Variants in USP13 observed in about 807,000 individuals in gnomAD.
The protein encoded by USP13 is ubiquitin carboxyl-terminal hydrolase 13.
Under a neutral mutation model 107.8 loss-of-function variants are expected in USP13, and 68 were observed. The ratio of observed to expected loss-of-function variants is 0.63; its 90% CI spans 0.52 to 0.77. The LOEUF is 0.77. USP13 is among the 30% of genes least tolerant of loss of function. The pLI, the probability that USP13 is intolerant of heterozygous loss-of-function variation, is 0.00. For missense variants in USP13, 945 were observed against 1,093.3 expected, an observed-to-expected ratio of 0.86 and a Z score of 1.91; for synonymous variants, 377 against 389.5, an observed-to-expected ratio of 0.97 and a Z score of 0.38.
chr3:179,774,505 G>T (rs111820831), intron 19 of USP13, among the ~76,000 whole-genome samples: 8 of 149,594 alleles, frequency 5.3e-5, no homozygotes, highest in African/African-American at 2.0e-4. Context: ...CAGCTCTTAA[G>T]GCAGCACGTC....
In USP13 at chr3:179,721,102, C is replaced by T. The variant is rs1228043412; in HGVS notation, c.901-300C>T. On this transcript the variant is annotated intron_variant, in intron 7 of 20. Transcript: ENST00000263966. The surrounding 1 kb of genome is among the most constrained non-coding windows in gnomAD (Gnocchi z 4.3). ...GGGATTACAGGTGTGAACCGCTGCG[C>T]CCGGCCTCTCTTTAAAATCTTTTTC... Among the ~76,000 whole-genome samples the T allele has an allele frequency of 6.6e-6, 1 of 152,134 alleles. No individual in the cohort carries two copies. The highest frequency in any genetic ancestry group is 1.5e-5 in the Non-Finnish European group (1 of 68,044).
chr3:179,772,279 C>A (rs1715364392), intron 19 of USP13, among the ~76,000 whole-genome samples: 1 of 152,230 alleles, frequency 6.6e-6, no homozygotes, highest in Non-Finnish European at 1.5e-5. Context: ...TGTGCAAAAT[C>A]ATTTCTGTTT....
chr3:179,686,962 C>T (rs1576925409), intron 2 of USP13, among the ~76,000 whole-genome samples: 1 of 152,190 alleles, frequency 6.6e-6, no homozygotes, highest in Non-Finnish European at 1.5e-5. Context: ...TCTTAGTTAT[C>T]GGCATTTCCT....
At chr3:179,680,539 G>A (rs747397104) in intron 1 of USP13, among the ~76,000 whole-genome samples, 5 of 151,882 alleles carry the variant, frequency 3.3e-5, no homozygotes, top group African/African-American at 7.3e-5. Context: ...TATTCAAGCT[G>A]TATTTATTAC....
chr3:179,730,848 C>A, intron 10 of USP13, 139 bp downstream of exon 10: 1 of 702,758 alleles, frequency 1.4e-6, no homozygotes, highest in Non-Finnish European at 2.4e-6. Context: ...GTCTAGGGTG[C>A]CTGTCTGTAT....
rs989674409 is a variant in USP13, at chr3:179,757,034, C to G, written c.1922-18C>G. On this transcript the variant is annotated intron_variant, in intron 15 of 20. Coordinates refer to ENST00000263966, the MANE Select transcript of USP13 (RefSeq NM_003940.3). The stretch of plus-strand genomic sequence containing the variant: ...ACATGGTTTGGTCTCATTTTCTGTC[C>G]TCTCCCTTAATTTCCAGATCGCCTG... 1.9e-6 allele frequency: 3 copies of G among 1,613,826 alleles called. No individual in the cohort carries two copies. The highest frequency in any genetic ancestry group is 2.5e-6 in the Non-Finnish European group (3 of 1,179,782).
chr3:179,756,434 AAACAAACAAAC>A (rs869155124), intron 15 of USP13, among the ~76,000 whole-genome samples: 2 of 151,700 alleles, frequency 1.3e-5, no homozygotes, highest in East Asian at 1.9e-4. Context: ...ACAAACAAAC[AAACAAACAAAC>A]AAAAAATACA....
rs371559911 is a variant in USP13 at position 179,721,620 on chromosome 3, C to T, written c.1088+31C>T. ...TGCCTTCCATGCAGACCAGGGCACG[C>T]GGCACCTCCCTGCCCCATCTAGGTC... On this transcript the variant is annotated intron_variant, in intron 8 of 20. Coordinates refer to ENST00000263966, the MANE Select transcript of USP13 (RefSeq NM_003940.3). This position sits in a 1 kb window ranked among gnomAD's most constrained non-coding sequence, Gnocchi z 4.3. 1.3e-4 allele frequency: 209 copies of T among 1,603,446 alleles called. No individual in the cohort carries two copies. The highest frequency in any genetic ancestry group is 1.4e-4 in the Non-Finnish European group (166 of 1,174,878).
chr3:179,762,877 T>C (rs936806644), intron 17 of USP13, among the ~76,000 whole-genome samples: 1 of 152,218 alleles, frequency 6.6e-6, no homozygotes, highest in African/African-American at 2.4e-5. Context: ...GAGTTCCAAT[T>C]TCTCCATATC....
At chr3:179,782,090 G>A (rs779415323) in intron 20 of USP13, among the ~76,000 whole-genome samples, 1 of 152,026 alleles carries the variant, frequency 6.6e-6, no homozygotes, top group African/African-American at 2.4e-5. Flanking sequence ...CCAAAATAAA[G>A]ATGCATCCTG....
At chr3:179,762,323 G>C (rs923488177) in intron 17 of USP13, among the ~76,000 whole-genome samples, 1 of 152,242 alleles carries the variant, frequency 6.6e-6, no homozygotes, top group African/African-American at 2.4e-5. Context: ...GCTTACGCCT[G>C]TAATCCCAGC....
chr3:179,682,101 C>T (rs1248666876), intron 2 of USP13, 98 bp downstream of exon 2: 2 of 1,443,734 alleles, frequency 1.4e-6, no homozygotes, highest in African/African-American at 1.4e-5. Flanking sequence ...GCCCACATAA[C>T]TTCCGATTCC....
chr3:179,665,041 C>T (rs757277017), intron 1 of USP13, among the ~76,000 whole-genome samples: 1 of 151,968 alleles, frequency 6.6e-6, no homozygotes, highest in African/African-American at 2.4e-5. Flanking sequence ...GAGCCAAGAT[C>T]GCGCCATTGC....
intron 3 of USP13, among the ~76,000 whole-genome samples, chr3:179,697,831 G>GT (rs1712377858): frequency 6.6e-6 from 1 of 152,154 alleles, no homozygotes; most frequent in South Asian, 2.1e-4. Flanking sequence ...TTTGGATTAA[G>GT]TTTTTTGGGA....
chr3:179,757,002 C>T (rs1426098849), intron 15 of USP13, 50 bp from the exon 16 acceptor site: 1 of 1,603,910 alleles, frequency 6.2e-7, no homozygotes. Flanking sequence ...TTTTCTAAAA[C>T]TCCTCAACAT....
At chr3:179,745,318 T>A (rs1714364008) in intron 13 of USP13, 101 bp downstream of exon 13, 1 of 1,396,396 alleles carries the variant, frequency 7.2e-7, no homozygotes, top group East Asian at 2.3e-5. Context: ...TGTCTGTGTG[T>A]GTTTGTTCAT....
chr3:179,747,827 C>T (rs1361924141), intron 13 of USP13, among the ~76,000 whole-genome samples: 4 of 152,156 alleles, frequency 2.6e-5, no homozygotes, highest in Non-Finnish European at 5.9e-5. Context: ...GTAGGCAGTG[C>T]TAGCATATCT....
At chr3:179,702,144 C>G (rs540481586) in intron 4 of USP13, among the ~76,000 whole-genome samples, 1 of 152,120 alleles carries the variant, frequency 6.6e-6, no homozygotes, top group East Asian at 1.9e-4. Flanking sequence ...CTCAGCCTCC[C>G]GAGTAGCTGG....
chr3:179,699,385 G>T (rs1048360199), intron 3 of USP13, among the ~76,000 whole-genome samples: 2 of 151,780 alleles, frequency 1.3e-5, no homozygotes, highest in Non-Finnish European at 2.9e-5. Context: ...CTTTATTTTG[G>T]TATTTCTGAC....
Sources: gnomAD v4.1 joint callset for allele counts (sites outside exome capture counted in the v4.1 genomes callset) on GRCh38, gnomAD v4.1.1 for gene constraint, Gnocchi (gnomAD v3.1) non-coding constraint, MANE v1.5 for transcripts, NCBI Gene and HGNC (gene_info 2026-07-23, HGNC 2026-07-21) for gene names.